CNTN2: variants seen among roughly 807,000 people sequenced by gnomAD.
CNTN2 encodes the protein contactin-2.
Under a neutral mutation model 117.5 loss-of-function variants are expected in CNTN2, and 53 were observed. The observed-to-expected ratio is 0.45, with a 90% CI of 0.36 to 0.57. The LOEUF is 0.57. CNTN2 is among the 20% of genes least tolerant of loss of function. The probability of loss-of-function intolerance (pLI) is 0.00; values close to 1 mark genes in which losing one functional copy is unlikely to be tolerated. For synonymous variants in CNTN2, 530 were observed against 561.7 expected, an observed-to-expected ratio of 0.94 and a Z score of 0.80; for missense variants, 1,106 against 1,404.3, an observed-to-expected ratio of 0.79 and a Z score of 3.39.
chr1:205,069,658 G>C, intron 17 of CNTN2, 97 bp downstream of exon 17: 3 of 1,458,372 alleles, frequency 2.1e-6, no homozygotes. Context: ...TGACTCAAAC[G>C]CGGATAACTT....
At position 205,077,038 on chromosome 1, in the gene CNTN2, T is replaced by G. The variant is rs550038673; in HGVS notation, c.*3273T>G. On this transcript the variant is annotated 3_prime_UTR_variant, in exon 23 of 23. Coordinates refer to ENST00000331830, the MANE Select transcript of CNTN2 (RefSeq NM_005076.5). ...CTTTCTGAGGGAGCTTTGAGGAATTTTGACAGCTGTTGACATGGGATTTGG... is the reference window on the plus strand; with the variant it reads ...CTTTCTGAGGGAGCTTTGAGGAATTGTGACAGCTGTTGACATGGGATTTGG... The G allele has an allele frequency of 6.6e-6, 1 of 152,184 alleles. No individual in the cohort carries two copies. Among genetic ancestry groups the G allele is most frequent in the African/African-American group, 2.4e-5 (1 of 41,436 alleles). The allele number at this position is 152,184 out of a possible 1,614,324, so 9.4% of individuals were successfully genotyped here. A position where few individuals can be genotyped will look rare whatever the true frequency, so the allele number is the denominator to read the frequency against.
At chr1:205,067,424 G>A in intron 16 of CNTN2, 174 bp downstream of exon 16, 1 of 632,792 alleles carries the variant, frequency 1.6e-6, no homozygotes, top group East Asian at 3.1e-5. Context: ...GCCACTGCAT[G>A]GACAAACCAT....
intron 14 of CNTN2, 145 bp from the exon 15 acceptor site, chr1:205,066,296 C>T: frequency 2.1e-6 from 2 of 966,736 alleles, no homozygotes; most frequent in South Asian, 1.7e-5. Context: ...CACCCCTTGC[C>T]CGCCCTCCCG....
chr1:205,060,798 G>A (rs984863673), intron 7 of CNTN2: 7 of 159,482 alleles, frequency 4.4e-5, no homozygotes, highest in Non-Finnish European at 6.8e-5. Flanking sequence ...ACCTCAGTCC[G>A]TTTTAGTGCA....
chr1:205,064,439 G>A lies in CNTN2; in HGVS notation c.1358G>A (p.Ser453Asn). ...RAAPKAVVLW[S>N]KGTEILVNSS... ...GCTCCAAAGGCCGTGGTGCTCTGGA[G>A]CAAAGGCACGGAGATTTTGGTCAAC... The change falls in exon 11 of 23, where the codon AGC becomes AAC. Residue 453 changes from serine to asparagine, a missense_variant. Coordinates refer to ENST00000331830, the MANE Select transcript of CNTN2 (RefSeq NM_005076.5). 1 of 1,611,906 alleles carries A rather than the reference G, an allele frequency of 6.2e-7. No individual in the cohort carries two copies. The highest frequency in any genetic ancestry group is 8.5e-7 in the Non-Finnish European group (1 of 1,178,200).
rs537446494 is a variant in CNTN2 at position 205,064,996 on chromosome 1, C to T, written c.1520-91C>T. 1,494 of 1,428,552 alleles carry T rather than the reference C, an allele frequency of 1.0e-3. 2 individuals carry two copies. The highest frequency in any genetic ancestry group is 1.3e-3 in the Non-Finnish European group (1,382 of 1,036,524). 88.5% of individuals were successfully genotyped at this position (1,428,552 alleles called of 1,614,324 possible). The stretch of plus-strand genomic sequence containing the variant: ...CACACCACCTCTTCTCTTTGCTGGG[C>T]CTTAGGACAGAGCCTCTCAGCCTGC... On this transcript the variant is annotated intron_variant, in intron 12 of 22. Transcript: ENST00000331830.
intron 20 of CNTN2, 111 bp from the exon 21 acceptor site, chr1:205,072,372 C>A: frequency 2.1e-6 from 2 of 960,230 alleles, no homozygotes; most frequent in South Asian, 1.4e-5. Context: ...ACAGAATGTG[C>A]TGGGTGTAAC....
At position 205,073,781 on chromosome 1, in the gene CNTN2, C is replaced by G; in HGVS notation, c.*16C>G. ...GGAGCTCTGATCCTGGAACCCCTCCCTCTGCGCCGCAGCTGGACGCCACCT... is the reference window on the plus strand; with the variant it reads ...GGAGCTCTGATCCTGGAACCCCTCCGTCTGCGCCGCAGCTGGACGCCACCT... On this transcript the variant is annotated 3_prime_UTR_variant, in exon 23 of 23. Coordinates refer to ENST00000331830, the MANE Select transcript of CNTN2 (RefSeq NM_005076.5). This position sits in a 1 kb window ranked among gnomAD's most constrained non-coding sequence, Gnocchi z 6.3. The G allele has an allele frequency of 1.2e-6, 2 of 1,600,032 alleles. No homozygotes were observed. The highest frequency in any genetic ancestry group is 1.7e-6 in the Non-Finnish European group (2 of 1,168,720).
intron 1 of CNTN2, among the ~76,000 whole-genome samples, chr1:205,052,144 C>T (rs1054139182): frequency 2.0e-5 from 3 of 152,126 alleles, no homozygotes; most frequent in Non-Finnish European, 1.5e-5. Context: ...AATCTGCAGC[C>T]GGGCTCGCTG....
chr1:205,070,274 G>A (rs1654524370), intron 18 of CNTN2, 152 bp from the exon 19 acceptor site: 1 of 698,240 alleles, frequency 1.4e-6, no homozygotes, highest in Admixed American at 2.7e-5. Flanking sequence ...AATAGAAGTG[G>A]GCCCTGGAGC....
chr1:205,070,362 G>A (rs551150325), intron 18 of CNTN2, 64 bp from the exon 19 acceptor site: 2 of 1,167,972 alleles, frequency 1.7e-6, no homozygotes, highest in South Asian at 1.3e-5. Context: ...ATCCTGGTTG[G>A]GGGCTGCTCT....
intron 1 of CNTN2, among the ~76,000 whole-genome samples, chr1:205,047,892 G>A (rs374440657): frequency 6.6e-6 from 1 of 152,132 alleles, no homozygotes; most frequent in Non-Finnish European, 1.5e-5. Flanking sequence ...TCCCATTCTT[G>A]CAGATGGGAG....
intron 9 of CNTN2, 91 bp downstream of exon 9, chr1:205,062,092 G>A (rs1654019820): frequency 6.7e-7 from 1 of 1,496,714 alleles, no homozygotes; most frequent in Non-Finnish European, 9.0e-7. Flanking sequence ...TGCACCACTA[G>A]TAGCCCCTCT....
intron 1 of CNTN2, among the ~76,000 whole-genome samples, chr1:205,052,774 C>T (rs2096455048): frequency 6.6e-6 from 1 of 152,214 alleles, no homozygotes; most frequent in Non-Finnish European, 1.5e-5. Context: ...GCCTCAAGAG[C>T]TGACGGGCGA....
rs1653803706 is a variant in CNTN2, at chr1:205,058,778, A to G, written c.487+115A>G. The G allele has an allele frequency of 3.9e-6, 3 of 773,628 alleles. No individual in the cohort carries two copies. Among genetic ancestry groups the G allele is most frequent in the South Asian group, 3.6e-5 (2 of 55,032 alleles). The allele number at this position is 773,628 out of a possible 1,614,324, so 47.9% of individuals were successfully genotyped here. On this transcript the variant is annotated intron_variant, in intron 5 of 22. Coordinates refer to ENST00000331830, the MANE Select transcript of CNTN2 (RefSeq NM_005076.5). This position sits in a 1 kb window ranked among gnomAD's most constrained non-coding sequence, Gnocchi z 4.3. ...CTGGAAATGACCCTTAGAAGCACCC[A>G]TCCCTGGGACCCTAACTTTAAATGA...
intron 1 of CNTN2, among the ~76,000 whole-genome samples, chr1:205,044,060 C>T (rs769821705): frequency 4.6e-5 from 7 of 152,242 alleles, no homozygotes; most frequent in African/African-American, 1.7e-4. Context: ...CCTTCCCTTC[C>T]CCCTCCCAAC....
At position 205,064,270 on chromosome 1, in the gene CNTN2, C is replaced by T; in HGVS notation, c.1241-52C>T. 5 of 1,511,546 alleles carry T rather than the reference C, an allele frequency of 3.3e-6. No individual in the cohort carries two copies. In the South Asian group the frequency reaches 6.6e-5, roughly 20 times the overall value. 93.6% of individuals were successfully genotyped at this position (1,511,546 alleles called of 1,614,324 possible). On this transcript the variant is annotated intron_variant, in intron 10 of 22. Transcript: ENST00000331830. ...CTTCAAAGGGCACGCCAAGTAACGT[C>T]TTAATCAAGGGTGACAGTACTTTTC...
At position 205,058,995 on chromosome 1, in the gene CNTN2, G is replaced by A. The variant is rs1285695094; in HGVS notation, c.488-89G>A. On this transcript the variant is annotated intron_variant, in intron 5 of 22. Transcript: ENST00000331830. This position sits in a 1 kb window ranked among gnomAD's most constrained non-coding sequence, Gnocchi z 4.3. Reference sequence around the variant, plus strand: ...CATGGTGGCTGTCAGGACAGGGCTTGCAGAACCGCACCAGCATGCTGGGGT... The same window carrying A: ...CATGGTGGCTGTCAGGACAGGGCTTACAGAACCGCACCAGCATGCTGGGGT... 1 of 1,190,368 alleles carries A rather than the reference G, an allele frequency of 8.4e-7. No homozygotes were observed. The highest frequency in any genetic ancestry group is 1.2e-6 in the Non-Finnish European group (1 of 817,314). The allele number at this position is 1,190,368 out of a possible 1,614,324, so 73.7% of individuals were successfully genotyped here.
rs750025068 is a variant in CNTN2, at chr1:205,069,911, G to A, written c.2281G>A (p.Ala761Thr). ...GCAGGGCAGCACTCACTGGCAGACCGCCCGGGTGCCTGGCGCCGATGCCCA... is the reference window on the plus strand; with the variant it reads ...GCAGGGCAGCACTCACTGGCAGACCACCCGGGTGCCTGGCGCCGATGCCCA... ...RRQGSTHWQTARVPGADAQYF... is the reference protein window; with the variant it reads ...RRQGSTHWQTTRVPGADAQYF... Residue 761 changes from alanine to threonine, a missense_variant, in exon 18 of 23, where the codon GCC becomes ACC. Physicochemically the swap from Ala to Thr is moderately conservative, Grantham distance 58. Transcript: ENST00000331830. 5 of 1,613,780 alleles carry A rather than the reference G, an allele frequency of 3.1e-6. No individual in the cohort carries two copies. Among genetic ancestry groups the A allele is most frequent in the Non-Finnish European group, 3.4e-6 (4 of 1,180,010 alleles).
Sources: gnomAD v4.1 joint callset for allele counts (sites outside exome capture counted in the v4.1 genomes callset) on GRCh38, gnomAD v4.1.1 for gene constraint, Gnocchi (gnomAD v3.1) non-coding constraint, MANE v1.5 for transcripts, NCBI Gene and HGNC (gene_info 2026-07-23, HGNC 2026-07-21) for gene names.